Variants in PPM1F observed in about 807,000 individuals in gnomAD.
PPM1F encodes protein phosphatase, Mg2+/Mn2+ dependent 1F, also known as protein phosphatase 1F.
A neutral mutation model predicts 35.5 loss-of-function variants in PPM1F; 17 were observed. That is an observed-to-expected ratio of 0.48 (90% CI 0.33 to 0.72). The LOEUF (loss-of-function observed/expected upper bound fraction) is 0.72, where lower values mean the gene tolerates loss of function less well. PPM1F is among the 30% of genes least tolerant of loss of function. The pLI is 0.02. For missense variants in PPM1F, 521 were observed against 613.0 expected (o/e 0.85, Z 1.59); for synonymous variants, 241 against 255.5 (o/e 0.94, Z 0.54).
In PPM1F at chr22:21,923,247, C is replaced by A; in HGVS notation, c.1210G>T (p.Asp404Tyr). 1 of 1,613,422 alleles carries A rather than the reference C, an allele frequency of 6.2e-7. No homozygotes were observed. Among genetic ancestry groups the A allele is most frequent in the Non-Finnish European group, 8.5e-7 (1 of 1,179,952 alleles). ...AAGACCACCATGACCGTGATGTTGT[C>A]GTGGGAGCCCCGCTCCCGGGCCGCA... ...VAAARERGSH[D>Y]NITVMVVFLR... Residue 404 changes from aspartate to tyrosine, a missense_variant, in exon 8 of 8, where the codon GAC becomes TAC. Asp to Tyr is a radical substitution (Grantham distance 160). Transcript: ENST00000263212.
At chr22:21,925,484 AACCCCTGGT>A (rs2070501318) in intron 7 of PPM1F, 76 bp downstream of exon 7, 1 of 1,155,146 alleles carries the variant, frequency 8.7e-7, no homozygotes, top group Non-Finnish European at 1.3e-6. Flanking sequence ...TGCCTCCCTG[AACCCCTGGT>A]GAGCCGCGGG....
In PPM1F at chr22:21,934,170, C is replaced by T. The variant is rs377163282; in HGVS notation, c.412G>A (p.Gly138Ser). The T allele has an allele frequency of 2.2e-5, 34 of 1,578,370 alleles. No individual in the cohort carries two copies. Among genetic ancestry groups the T allele is most frequent in the African/African-American group, 2.7e-5 (2 of 74,378 alleles). ...AATGGCACCTGCTTCTGCCACTGGC[C>T]GGCGACTTCCCAAAGGCGGTTAAAG... The part of the protein sequence containing the change: ...SFFNRLWEVA[G>S]QWQKQVPLAA... Residue 138 changes from glycine to serine, a missense_variant, in exon 4 of 8, where the codon GGC becomes AGC. Coordinates refer to ENST00000263212, the MANE Select transcript of PPM1F (RefSeq NM_014634.4).
intron 3 of PPM1F, chr22:21,938,704 T>G: frequency 1.5e-6 from 1 of 688,000 alleles, no homozygotes; most frequent in Non-Finnish European, 1.8e-6. Flanking sequence ...TTCAGCTGGG[T>G]GGGACGTTGC....
chr22:21,938,298 G>A, intron 3 of PPM1F: 1 of 1,249,832 alleles, frequency 8.0e-7, no homozygotes, highest in South Asian at 1.3e-5. Context: ...GGGCCGCAGA[G>A]CGGAGGAGCA....
chr22:21,933,914 T>G (rs1601783486), intron 4 of PPM1F, 110 bp downstream of exon 4: 1 of 1,046,496 alleles, frequency 9.6e-7, no homozygotes, highest in Non-Finnish European at 1.4e-6. Flanking sequence ...GGCTGACGGG[T>G]GTCTCTCCTG....
intron 1 of PPM1F, 69 bp from the exon 2 acceptor site, chr22:21,946,177 A>AT: frequency 1.4e-6 from 1 of 710,084 alleles, no homozygotes; most frequent in Non-Finnish European, 2.2e-6. Context: ...GCCCACCTGC[A>AT]AGCACCATGT....
intron 1 of PPM1F, chr22:21,948,306 C>CCA (rs1329996983): frequency 8.4e-6 from 1 of 118,442 alleles, no homozygotes; most frequent in African/African-American, 3.0e-5. Flanking sequence ...TCGCCACCCC[C>CCA]CCCCCACCCC....
At chr22:21,948,314 C>G (rs1205002559) in intron 1 of PPM1F, 2 of 132,618 alleles carry the variant, frequency 1.5e-5, no homozygotes, top group Non-Finnish European at 3.3e-5. Context: ...CCCCCCCCAC[C>G]CCCCATCTCT....
At chr22:21,923,789 T>C (rs1457172676) in intron 7 of PPM1F, among the ~76,000 whole-genome samples, 5 of 151,952 alleles carry the variant, frequency 3.3e-5, no homozygotes, top group Admixed American at 1.3e-4. Flanking sequence ...GCGATTCCCC[T>C]GCCTCAGCCT....
At chr22:21,928,040 A>G (rs2070541723) in intron 6 of PPM1F, among the ~76,000 whole-genome samples, 1 of 132,050 alleles carries the variant, frequency 7.6e-6, no homozygotes, top group African/African-American at 2.9e-5. Context: ...TGCAGCCTCG[A>G]CCTCTAGGGC....
In PPM1F at chr22:21,921,675, C is replaced by G. The variant is rs976060865; in HGVS notation, c.*1417G>C. On this transcript the variant is annotated 3_prime_UTR_variant, in exon 8 of 8. Transcript: ENST00000263212. The stretch of plus-strand genomic sequence containing the variant: ...GGGGCTGTGGCCTGTGCCATGGACT[C>G]CCAGCAGCATCCCTGCTGCCTCCAG... The G allele has an allele frequency of 2.6e-5, 4 of 152,266 alleles. No individual in the cohort carries two copies. Among genetic ancestry groups the G allele is most frequent in the Admixed American group, 2.6e-4 (4 of 15,284 alleles). 9.4% of individuals were successfully genotyped at this position (152,266 alleles called of 1,614,324 possible).
At position 21,919,763 on chromosome 22, in the gene PPM1F, C is replaced by T. The variant is rs1262023411; in HGVS notation, c.*3329G>A. ...AAACACTGCTTCCTTTAACACAGCC[C>T]AACTGGCTTACATTTAGCTTGGGAC... is the stretch of plus-strand genomic sequence containing the variant. On this transcript the variant is annotated 3_prime_UTR_variant, in exon 8 of 8. Coordinates refer to ENST00000263212, the MANE Select transcript of PPM1F (RefSeq NM_014634.4). 6.6e-6 allele frequency: 1 copy of T among 152,314 alleles called. No individual in the cohort carries two copies. The highest frequency in any genetic ancestry group is 2.4e-5 in the African/African-American group (1 of 41,464). The allele number at this position is 152,314 out of a possible 1,614,324, so 9.4% of individuals were successfully genotyped here.
At chr22:21,929,339 C>G (rs2070560444) in intron 6 of PPM1F, among the ~76,000 whole-genome samples, 1 of 152,172 alleles carries the variant, frequency 6.6e-6, no homozygotes, top group Non-Finnish European at 1.5e-5. Context: ...GTGTGCTTCT[C>G]TTGTGCAAGC....
intron 3 of PPM1F, chr22:21,937,988 T>G: frequency 6.9e-6 from 6 of 869,988 alleles, no homozygotes; most frequent in Non-Finnish European, 9.2e-6. Context: ...TTTGTAAGAA[T>G]GGCTTGGAGT....
At chr22:21,931,370 C>A in intron 5 of PPM1F, 79 bp from the exon 6 acceptor site, 1 of 1,380,446 alleles carries the variant, frequency 7.2e-7, no homozygotes, top group Admixed American at 2.0e-5. Context: ...ATGAAGCTTC[C>A]GGGGGTGATG....
chr22:21,934,322 C>T, intron 3 of PPM1F, 96 bp from the exon 4 acceptor site: 2 of 964,358 alleles, frequency 2.1e-6, no homozygotes, highest in Admixed American at 2.5e-5. Flanking sequence ...GCCTGCAAAG[C>T]CCCCATCACC....
chr22:21,945,759 T>C, intron 2 of PPM1F, 84 bp downstream of exon 2: 1 of 1,395,664 alleles, frequency 7.2e-7, no homozygotes, highest in Non-Finnish European at 9.8e-7. Flanking sequence ...GGGCTGGACG[T>C]GTAGGGGAGC....
chr22:21,950,661 C>G (rs1473428313), intron 1 of PPM1F: 5 of 152,050 alleles, frequency 3.3e-5, no homozygotes, highest in Non-Finnish European at 7.4e-5. Context: ...CTTGCTCTGT[C>G]ACCCAGGCCG....
At chr22:21,938,057 G>C in intron 3 of PPM1F, 1 of 1,246,316 alleles carries the variant, frequency 8.0e-7, no homozygotes, top group Admixed American at 2.6e-5. Flanking sequence ...AGGCCGCTAG[G>C]CAGGCCTGCA....
Sources: gnomAD v4.1 joint callset for allele counts (sites outside exome capture counted in the v4.1 genomes callset) on GRCh38, gnomAD v4.1.1 for gene constraint, MANE v1.5 for transcripts, NCBI Gene and HGNC (gene_info 2026-07-23, HGNC 2026-07-21) for gene names.